The following TRAPPC9 variants were observed in gnomAD, a reference collection of about 807,000 sequenced individuals.
TRAPPC9 encodes the protein trafficking protein particle complex subunit 9.
In TRAPPC9, 83 loss-of-function variants were observed where a neutral mutation model predicts 124.0. The ratio of observed to expected loss-of-function variants is 0.67; its 90% CI spans 0.56 to 0.80. TRAPPC9 has a LOEUF of 0.80. Ranked by LOEUF, TRAPPC9 falls within the 30% of genes least tolerant of loss-of-function variation. The pLI is 0.00. For synonymous variants in TRAPPC9, 638 were observed against 617.5 expected (o/e 1.03, Z -0.49); for missense variants, 1,302 against 1,508.3 (o/e 0.86, Z 2.27).
chr8:140,146,672 C>T (rs977166453), intron 17 of TRAPPC9, among the ~76,000 whole-genome samples: 1 of 152,032 alleles, frequency 6.6e-6, no homozygotes, highest in African/African-American at 2.4e-5. Context: ...AAACTGTGAC[C>T]TCCACCTTAA....
intron 17 of TRAPPC9, among the ~76,000 whole-genome samples, chr8:140,131,563 C>T (rs1030404426): frequency 6.6e-6 from 1 of 152,164 alleles, no homozygotes; most frequent in African/African-American, 2.4e-5. Context: ...CCAAGGGGTG[C>T]GGCTCTGTGG....
intron 5 of TRAPPC9, among the ~76,000 whole-genome samples, chr8:140,415,744 A>C (rs1008434384): frequency 2.6e-5 from 4 of 152,084 alleles, no homozygotes; most frequent in African/African-American, 9.7e-5. Flanking sequence ...AGAGGTGAGA[A>C]GATCACTTGA....
chr8:139,998,078 A>C (rs1241268797), intron 18 of TRAPPC9, among the ~76,000 whole-genome samples: 1 of 152,260 alleles, frequency 6.6e-6, no homozygotes, highest in Non-Finnish European at 1.5e-5. Flanking sequence ...AATGCATCCT[A>C]CACAGGGGAA....
At chr8:140,160,614 G>A (rs1377379240) in intron 17 of TRAPPC9, among the ~76,000 whole-genome samples, 2 of 145,192 alleles carry the variant, frequency 1.4e-5, no homozygotes, top group Non-Finnish European at 3.0e-5. Context: ...ATGGACACAG[G>A]AAGGGGAACA....
intron 8 of TRAPPC9, among the ~76,000 whole-genome samples, chr8:140,363,842 C>A (rs1390188100): frequency 6.6e-6 from 1 of 152,160 alleles, no homozygotes; most frequent in African/African-American, 2.4e-5. Flanking sequence ...AGGTGACCCA[C>A]CTGCCTCAGC....
Position 140,252,492 on chromosome 8 carries a change from C to T in TRAPPC9, c.2431+285G>A, listed in dbSNP as rs192585739. On this transcript the variant is annotated intron_variant, in intron 16 of 22. Transcript: ENST00000438773. This position sits in a 1 kb window ranked among gnomAD's most constrained non-coding sequence, Gnocchi z 4.2. ...ATCACAGCAGTTATACTTGAAAAAACGCAGTAATTCCTACATTCCACTAAT... is the reference window on the plus strand; with the variant it reads ...ATCACAGCAGTTATACTTGAAAAAATGCAGTAATTCCTACATTCCACTAAT... 2.3e-5 allele frequency: 9 copies of T among 391,606 alleles called. No individual in the cohort carries two copies. Among genetic ancestry groups the T allele is most frequent in the Middle Eastern group, 7.5e-4 (1 of 1,332 alleles). The allele number at this position is 391,606 out of a possible 1,614,324, so 24.3% of individuals were successfully genotyped here.
chr8:139,735,516 C>A (rs1303682288), intron 21 of TRAPPC9, among the ~76,000 whole-genome samples: 4 of 152,200 alleles, frequency 2.6e-5, no homozygotes, highest in Non-Finnish European at 5.9e-5. Context: ...TGAACCGAAC[C>A]AGGCGCGGTC....
At chr8:139,944,720 G>C (rs1165913797) in intron 19 of TRAPPC9, among the ~76,000 whole-genome samples, 1 of 151,946 alleles carries the variant, frequency 6.6e-6, no homozygotes, top group South Asian at 2.1e-4. Flanking sequence ...AAAGCAGTGG[G>C]GTCATTCAGG....
chr8:140,385,839 CCATAG>C (rs924893083), intron 7 of TRAPPC9, among the ~76,000 whole-genome samples: 1 of 152,148 alleles, frequency 6.6e-6, no homozygotes, highest in African/African-American at 2.4e-5. Context: ...CATCCTGATA[CCATAG>C]CCTGGCAGAG....
intron 13 of TRAPPC9, among the ~76,000 whole-genome samples, chr8:140,286,285 C>T (rs907765196): frequency 2.6e-5 from 4 of 152,132 alleles, no homozygotes; most frequent in African/African-American, 7.2e-5. Flanking sequence ...CAGCAGGAGC[C>T]GGACCACACT....
At chr8:139,909,544 G>C (rs773950771) in intron 20 of TRAPPC9, among the ~76,000 whole-genome samples, 2 of 152,218 alleles carry the variant, frequency 1.3e-5, no homozygotes, top group Non-Finnish European at 2.9e-5. Context: ...TCAAAAGTAG[G>C]TGCTCTCCAA....
chr8:139,834,709 G>T (rs1826217641), intron 21 of TRAPPC9, among the ~76,000 whole-genome samples: 1 of 152,224 alleles, frequency 6.6e-6, no homozygotes, highest in Non-Finnish European at 1.5e-5. Flanking sequence ...AGTCCTGCCT[G>T]GCAGGCTGCA....
intron 17 of TRAPPC9, among the ~76,000 whole-genome samples, chr8:140,109,801 G>A (rs939350054): frequency 6.6e-6 from 1 of 152,210 alleles, no homozygotes; most frequent in African/African-American, 2.4e-5. Flanking sequence ...ACAGAAGGCA[G>A]ACACAGCCCA....
At position 140,291,112 on chromosome 8, in the gene TRAPPC9, A is replaced by G. The variant is rs765850978; in HGVS notation, c.1769-34T>C. 1.2e-5 allele frequency: 19 copies of G among 1,582,146 alleles called. No homozygotes were observed. In the East Asian group the frequency reaches 4.2e-4, roughly 35 times the overall value. On this transcript the variant is annotated intron_variant, in intron 11 of 22. Transcript: ENST00000438773. ...TACACACACATAAATGAATCCATGT[A>G]TTAGTTGGTATTTTTTCACTTTCTA...
chr8:140,357,236 T>C (rs1252760829), intron 9 of TRAPPC9, among the ~76,000 whole-genome samples: 1 of 151,916 alleles, frequency 6.6e-6, no homozygotes, highest in Admixed American at 6.6e-5. Flanking sequence ...AGGAGTCACA[T>C]GGTGAAGGGG....
chr8:140,360,638 GA>G (rs10571203), intron 8 of TRAPPC9, among the ~76,000 whole-genome samples: 24,748 of 148,756 alleles, frequency 0.17, 2,856 homozygotes, highest in East Asian at 0.55. Flanking sequence ...AGCTAAATTA[GA>G]AAAAAAAAAA....
chr8:140,068,981 G>A (rs1465097636), intron 17 of TRAPPC9, among the ~76,000 whole-genome samples: 3 of 152,064 alleles, frequency 2.0e-5, no homozygotes, highest in Non-Finnish European at 2.9e-5. Context: ...AAATGATGCC[G>A]ACAAACTCAC....
chr8:140,079,647 C>T (rs994384859), intron 17 of TRAPPC9, among the ~76,000 whole-genome samples: 8 of 152,144 alleles, frequency 5.3e-5, no homozygotes, highest in African/African-American at 1.9e-4. Context: ...AATAAAAAGG[C>T]AGGCCAGGCA....
Position 139,907,178 on chromosome 8 carries a change from C to A in TRAPPC9, c.2964+2969G>T, listed in dbSNP as rs537858615. Reference sequence around the variant, plus strand: ...TAACAGGTGAAGAGTGGGGTGAGAGCTCCCGGCAGCCCTGGGCTGCCCATC... The same window carrying A: ...TAACAGGTGAAGAGTGGGGTGAGAGATCCCGGCAGCCCTGGGCTGCCCATC... On this transcript the variant is annotated intron_variant, in intron 20 of 22. Coordinates refer to ENST00000438773, the MANE Select transcript of TRAPPC9 (RefSeq NM_001160372.4). This position sits in a 1 kb window ranked among gnomAD's most constrained non-coding sequence, Gnocchi z 4.7. Among the ~76,000 whole-genome samples, 1 of 152,194 alleles carries A rather than the reference C, an allele frequency of 6.6e-6. No homozygotes were observed. Among genetic ancestry groups the A allele is most frequent in the South Asian group, 2.1e-4 (1 of 4,826 alleles).
Sources: gnomAD v4.1 joint callset for allele counts (sites outside exome capture counted in the v4.1 genomes callset) on GRCh38, gnomAD v4.1.1 for gene constraint, Gnocchi (gnomAD v3.1) non-coding constraint, MANE v1.5 for transcripts, NCBI Gene and HGNC (gene_info 2026-07-23, HGNC 2026-07-21) for gene names.